The following FTO variants were observed in gnomAD, a reference collection of about 807,000 sequenced individuals.
The protein encoded by FTO is FTO alpha-ketoglutarate dependent dioxygenase.
In FTO, 47 loss-of-function variants were observed where a neutral mutation model predicts 63.9. The observed-to-expected ratio is 0.74, with a 90% CI of 0.58 to 0.94. The LOEUF is 0.94. Ranked by LOEUF, FTO falls within the 40% of genes least tolerant of loss-of-function variation. The probability of loss-of-function intolerance (pLI) is 0.00; values close to 1 mark genes in which losing one functional copy is unlikely to be tolerated. For synonymous variants in FTO, 207 were observed against 224.4 expected (o/e 0.92, Z 0.69); for missense variants, 562 against 618.1 (o/e 0.91, Z 0.96).
At chr16:53,914,007 G>A (rs1466284165) in intron 7 of FTO, among the ~76,000 whole-genome samples, 1 of 150,976 alleles carries the variant, frequency 6.6e-6, no homozygotes, top group Non-Finnish European at 1.5e-5. Flanking sequence ...AAAAAAGCTG[G>A]TCATAGGCCC....
At chr16:53,829,995 G>A (rs1465531635) in intron 3 of FTO, among the ~76,000 whole-genome samples, 1 of 152,136 alleles carries the variant, frequency 6.6e-6, no homozygotes, top group East Asian at 1.9e-4. Context: ...ATACAGAAGT[G>A]ATTGCTTCCT....
intron 3 of FTO, among the ~76,000 whole-genome samples, chr16:53,829,550 T>A (rs2079091731): frequency 6.6e-6 from 1 of 152,258 alleles, no homozygotes; most frequent in Non-Finnish European, 1.5e-5. Context: ...ATGCCAGAAC[T>A]ATGGCAAAGG....
At chr16:53,722,449 T>C (rs28520623) in intron 1 of FTO, among the ~76,000 whole-genome samples, 2 of 152,198 alleles carry the variant, frequency 1.3e-5, no homozygotes, top group African/African-American at 4.8e-5. Context: ...TTTTGTTTTT[T>C]GTTTTTTTTT....
In FTO at chr16:54,075,017, TC is replaced by T. The variant is rs2085960398; in HGVS notation, c.1365-36744del. 2.0e-5 allele frequency among the ~76,000 whole-genome samples: 3 copies of T among 152,100 alleles called. No individual in the cohort carries two copies. In the South Asian group the frequency reaches 6.2e-4, roughly 32 times the overall value. On this transcript the variant is annotated intron_variant, in intron 8 of 8. Transcript: ENST00000471389. The stretch of plus-strand genomic sequence containing the variant: ...AGTATCTTTTTGATTTAATTTGCAT[TC>T]TTTTGATAATGAATGAGGTAGCAGT...
intron 1 of FTO, among the ~76,000 whole-genome samples, chr16:53,769,447 C>G (rs1206543550): frequency 1.3e-5 from 2 of 152,096 alleles, no homozygotes; most frequent in Non-Finnish European, 2.9e-5. Context: ...GTAACCACCA[C>G]TGAGCATTGT....
Position 54,074,456 on chromosome 16 carries a change from C to T in FTO, c.1365-37306C>T, listed in dbSNP as rs372384114. Among the ~76,000 whole-genome samples the T allele has an allele frequency of 1.5e-3, 226 of 152,168 alleles. 1 individual carries two copies. The highest frequency in any genetic ancestry group is 9.6e-3 in the South Asian group (46 of 4,810). On this transcript the variant is annotated intron_variant, in intron 8 of 8. Transcript: ENST00000471389. ...TAATGCATATATACTTGTATATATA[C>T]TTTTTAAAGCAATATTAGGATCATA...
chr16:53,706,205 ATAAG>A (rs2075615694), intron 1 of FTO, among the ~76,000 whole-genome samples: 1 of 152,214 alleles, frequency 6.6e-6, no homozygotes, highest in Non-Finnish European at 1.5e-5. Context: ...AGAACAAAGT[ATAAG>A]TAGTTGTTTT....
chr16:53,740,383 G>T (rs1357741277), intron 1 of FTO, among the ~76,000 whole-genome samples: 1 of 152,170 alleles, frequency 6.6e-6, no homozygotes, highest in Non-Finnish European at 1.5e-5. Flanking sequence ...TTGCAAATTA[G>T]AATTTTCTAA....
At chr16:53,851,109 A>C (rs543477818) in intron 4 of FTO, among the ~76,000 whole-genome samples, 1 of 152,112 alleles carries the variant, frequency 6.6e-6, no homozygotes, top group South Asian at 2.1e-4. Context: ...GACGCATGCT[A>C]TCTCTACTAA....
chr16:53,884,115 C>G (rs1159413537), intron 6 of FTO, among the ~76,000 whole-genome samples: 1 of 152,118 alleles, frequency 6.6e-6, no homozygotes, highest in East Asian at 1.9e-4. Flanking sequence ...GGTTTGTTTT[C>G]CTTGTCTAGG....
At chr16:53,793,431 G>A (rs889368672) in intron 1 of FTO, among the ~76,000 whole-genome samples, 9 of 152,244 alleles carry the variant, frequency 5.9e-5, no homozygotes, top group Admixed American at 5.9e-4. Flanking sequence ...AAGAACTGAA[G>A]TACATTATTT....
At chr16:53,893,891 A>G (rs1444014071) in intron 7 of FTO, among the ~76,000 whole-genome samples, 3 of 152,202 alleles carry the variant, frequency 2.0e-5, no homozygotes, top group African/African-American at 4.8e-5. Context: ...CAATGCATTT[A>G]TATGGCAGTT....
At chr16:53,740,340 G>A (rs574465013) in intron 1 of FTO, among the ~76,000 whole-genome samples, 2 of 152,188 alleles carry the variant, frequency 1.3e-5, no homozygotes, top group Admixed American at 6.5e-5. Flanking sequence ...CTGTTTTATC[G>A]TACTAAAAAT....
At chr16:53,842,922 C>T (rs1030020016) in intron 3 of FTO, among the ~76,000 whole-genome samples, 4 of 152,146 alleles carry the variant, frequency 2.6e-5, no homozygotes, top group Admixed American at 2.6e-4. Context: ...CAATCTTCCT[C>T]CCTTGGCCTC....
chr16:53,852,637 T>C (rs926293812), intron 4 of FTO, among the ~76,000 whole-genome samples: 4 of 152,208 alleles, frequency 2.6e-5, no homozygotes, highest in East Asian at 3.9e-4. Context: ...ATGGAATTAA[T>C]AGGTAGAAAA....
rs546476955 is a variant in FTO at position 53,954,221 on chromosome 16, G to A, written c.1364+20112G>A. 7.8e-3 allele frequency among the ~76,000 whole-genome samples: 1,181 copies of A among 152,334 alleles called. 12 individuals are homozygous for A. Among genetic ancestry groups the A allele is most frequent in the African/African-American group, 0.027 (1,106 of 41,580 alleles). On this transcript the variant is annotated intron_variant, in intron 8 of 8. Transcript: ENST00000471389. ...TTTAAGCACATCTCGAGAATGAGGA[G>A]TTAGTAAGAGTTGTTGAAATCAAAT...
Position 54,121,580 on chromosome 16 carries a change from C to T in FTO, c.*9665C>T, listed in dbSNP as rs763547199. ...ACGGCAGATTCGCAGGGAAGCAGGC[C>T]GAGCCTGATCTTTTCTCCGCTAGAA... is the stretch of plus-strand genomic sequence containing the variant. On this transcript the variant is annotated 3_prime_UTR_variant, in exon 9 of 9. Coordinates refer to ENST00000471389, the MANE Select transcript of FTO (RefSeq NM_001080432.3). 2.0e-5 allele frequency: 3 copies of T among 152,200 alleles called. No individual in the cohort carries two copies. Among genetic ancestry groups the T allele is most frequent in the African/African-American group, 4.8e-5 (2 of 41,428 alleles). The allele number at this position is 152,200 out of a possible 1,614,324, so 9.4% of individuals were successfully genotyped here.
chr16:53,726,338 T>C (rs1174807684), intron 1 of FTO, among the ~76,000 whole-genome samples: 1 of 152,242 alleles, frequency 6.6e-6, no homozygotes, highest in Non-Finnish European at 1.5e-5. Context: ...TATTTTGTTT[T>C]GTAGACATGT....
At chr16:53,788,012 C>G (rs1400514712) in intron 1 of FTO, among the ~76,000 whole-genome samples, 1 of 152,136 alleles carries the variant, frequency 6.6e-6, no homozygotes, top group Non-Finnish European at 1.5e-5. Flanking sequence ...TCAGAAATGC[C>G]ATGCTTTTGT....
Sources: allele counts gnomAD v4.1 joint callset (sites outside exome capture counted in the v4.1 genomes callset), GRCh38; gene constraint gnomAD v4.1.1; transcripts MANE v1.5; gene names NCBI Gene and HGNC (gene_info 2026-07-23, HGNC 2026-07-21).